The following GTF3C1 variants were observed in gnomAD, a reference collection of about 807,000 sequenced individuals.
GTF3C1 encodes general transcription factor IIIC subunit 1, also known as general transcription factor 3C polypeptide 1.
Under a neutral mutation model 226.7 loss-of-function variants are expected in GTF3C1, and 57 were observed. That is an observed-to-expected ratio of 0.25 (90% CI 0.20 to 0.31). The LOEUF is 0.31. Ranked by LOEUF, GTF3C1 falls within the 10% of genes least tolerant of loss-of-function variation. GTF3C1 has a pLI of 1.00. For synonymous variants in GTF3C1, 1,090 were observed against 1,084.8 expected, an observed-to-expected ratio of 1.00 and a Z score of -0.09; for missense variants, 2,217 against 2,776.1, an observed-to-expected ratio of 0.80 and a Z score of 4.53.
At chr16:27,473,588 G>A (rs2087908577) in intron 29 of GTF3C1, among the ~76,000 whole-genome samples, 1 of 152,250 alleles carries the variant, frequency 6.6e-6, no homozygotes, top group African/African-American at 2.4e-5. Flanking sequence ...ACACTGTCAG[G>A]CAGGGGTGGG....
At chr16:27,509,668 G>A (rs2088543045) in intron 7 of GTF3C1, among the ~76,000 whole-genome samples, 1 of 148,558 alleles carries the variant, frequency 6.7e-6, no homozygotes, top group Admixed American at 6.8e-5. Flanking sequence ...TGAGGCAGGA[G>A]AATGGCGTGA....
rs183237956 is a variant in GTF3C1, at chr16:27,528,224, G to C, written c.973+374C>G. Among the ~76,000 whole-genome samples, 6 of 152,306 alleles carry C rather than the reference G, an allele frequency of 3.9e-5. No individual in the cohort carries two copies. The East Asian group carries it at 1.2e-3, about 29-fold the overall frequency. On this transcript the variant is annotated intron_variant, in intron 6 of 36. Coordinates refer to ENST00000356183, the MANE Select transcript of GTF3C1 (RefSeq NM_001520.4). Reference sequence around the variant, plus strand: ...CGAAAGGCAGAGGTTGTAGTGAGCAGAGATCGCACCACTGCACTATGGGCG... The same window carrying C: ...CGAAAGGCAGAGGTTGTAGTGAGCACAGATCGCACCACTGCACTATGGGCG...
chr16:27,537,035 G>A (rs572197246), intron 4 of GTF3C1, among the ~76,000 whole-genome samples: 1 of 152,334 alleles, frequency 6.6e-6, no homozygotes, highest in South Asian at 2.1e-4. Flanking sequence ...CCAGTTTGCT[G>A]TATCACCTGG....
chr16:27,492,604 T>C lies in GTF3C1; in HGVS notation c.2973+13A>G, dbSNP rs1312402099. ...AATCAGAATTTCCTTCGTTTGGGCT[T>C]GAGGGACATTACCTGATCTTTATCC... On this transcript the variant is annotated intron_variant, in intron 18 of 36. Coordinates refer to ENST00000356183, the MANE Select transcript of GTF3C1 (RefSeq NM_001520.4). The surrounding 1 kb of genome is among the most constrained non-coding windows in gnomAD (Gnocchi z 5.0). The C allele has an allele frequency of 1.3e-6, 2 of 1,565,384 alleles. No individual in the cohort carries two copies.
intron 6 of GTF3C1, among the ~76,000 whole-genome samples, chr16:27,518,574 C>A (rs1432845414): frequency 4.6e-5 from 7 of 152,166 alleles, no homozygotes; most frequent in Admixed American, 2.0e-4. Context: ...AGTGTCATAC[C>A]CAGTCACCTG....
intron 27 of GTF3C1, among the ~76,000 whole-genome samples, chr16:27,480,542 A>G (rs1310398411): frequency 1.3e-5 from 2 of 152,218 alleles, no homozygotes; most frequent in Non-Finnish European, 2.9e-5. Context: ...ATCATTTTAC[A>G]GGGAGAAATT....
In GTF3C1 at chr16:27,463,370, C is replaced by A; in HGVS notation, c.5924+171G>T. On this transcript the variant is annotated intron_variant, in intron 35 of 36. Transcript: ENST00000356183. The surrounding 1 kb of genome is among the most constrained non-coding windows in gnomAD (Gnocchi z 4.9). ...GCACTGCCAGTGCTCAGCACGCCTG[C>A]TGCTCGCCCACTGCGCCCCTCCAAG... 1.5e-6 allele frequency: 1 copy of A among 655,502 alleles called. No individual in the cohort carries two copies. Among genetic ancestry groups the A allele is most frequent in the Non-Finnish European group, 2.7e-6 (1 of 367,146 alleles). 40.6% of individuals were successfully genotyped at this position (655,502 alleles called of 1,614,324 possible).
At chr16:27,494,314 T>C (rs2088278969) in intron 16 of GTF3C1, among the ~76,000 whole-genome samples, 1 of 148,490 alleles carries the variant, frequency 6.7e-6, no homozygotes, top group Non-Finnish European at 1.5e-5. Context: ...GGAAGGAGAA[T>C]GGCGTGAAAC....
rs2087740411 is a variant in GTF3C1 at position 27,463,815 on chromosome 16, G to A, written c.5873-223C>T. The A allele has an allele frequency of 3.6e-6, 2 of 560,726 alleles. No homozygotes were observed. Among genetic ancestry groups the A allele is most frequent in the Non-Finnish European group, 3.1e-6 (1 of 320,508 alleles). 34.7% of individuals were successfully genotyped at this position (560,726 alleles called of 1,614,324 possible). Reference sequence around the variant, plus strand: ...GCGCCACATGCAAGCAGCGTCCCAGGCCCGGACAAGCCCCACATTGCAGGA... The same window carrying A: ...GCGCCACATGCAAGCAGCGTCCCAGACCCGGACAAGCCCCACATTGCAGGA... On this transcript the variant is annotated intron_variant, in intron 34 of 36. Transcript: ENST00000356183. The surrounding 1 kb of genome is among the most constrained non-coding windows in gnomAD (Gnocchi z 4.9).
intron 24 of GTF3C1, among the ~76,000 whole-genome samples, chr16:27,485,498 A>G (rs2088125704): frequency 6.6e-6 from 1 of 152,254 alleles, no homozygotes; most frequent in Non-Finnish European, 1.5e-5. Flanking sequence ...CATGATGGGC[A>G]GTTACAGGAA....
chr16:27,540,723 A>T (rs2089068961), intron 2 of GTF3C1, among the ~76,000 whole-genome samples: 1 of 152,216 alleles, frequency 6.6e-6, no homozygotes, highest in Non-Finnish European at 1.5e-5. Flanking sequence ...TCTCTCACAG[A>T]AAGAGGCTCT....
chr16:27,529,978 T>C (rs1567411992), intron 5 of GTF3C1, among the ~76,000 whole-genome samples: 1 of 152,234 alleles, frequency 6.6e-6, no homozygotes, highest in African/African-American at 2.4e-5. Context: ...ATTTTGCTTG[T>C]GGGTATCACC....
chr16:27,528,230 G>A (rs232088), intron 6 of GTF3C1, among the ~76,000 whole-genome samples: 25,076 of 152,046 alleles, frequency 0.16, 2,215 homozygotes, highest in Middle Eastern at 0.22. Context: ...AGCAGAGATC[G>A]CACCACTGCA....
chr16:27,463,887 G>A lies in GTF3C1; in HGVS notation c.5873-295C>T, dbSNP rs1039429897. 1 of 461,646 alleles carries A rather than the reference G, an allele frequency of 2.2e-6. No individual in the cohort carries two copies. The highest frequency in any genetic ancestry group is 3.8e-6 in the Non-Finnish European group (1 of 263,462). The allele number at this position is 461,646 out of a possible 1,614,324, so 28.6% of individuals were successfully genotyped here. A position where few individuals can be genotyped will look rare whatever the true frequency, so the allele number is the denominator to read the frequency against. ...CCACCCAGAAGCCCCGACCACAAGG[G>A]TGGTATAAAACCCGAGGCAAAAACA... On this transcript the variant is annotated intron_variant, in intron 34 of 36. Transcript: ENST00000356183. This position sits in a 1 kb window ranked among gnomAD's most constrained non-coding sequence, Gnocchi z 4.9.
intron 5 of GTF3C1, among the ~76,000 whole-genome samples, chr16:27,531,414 G>A (rs1005215275): frequency 6.6e-6 from 1 of 152,226 alleles, no homozygotes; most frequent in Admixed American, 6.5e-5. Flanking sequence ...CAGCTCAACT[G>A]TGCTTTTGGC....
intron 24 of GTF3C1, 116 bp downstream of exon 24, chr16:27,485,881 T>C (rs1333794405): frequency 6.4e-6 from 4 of 621,790 alleles, no homozygotes; most frequent in Non-Finnish European, 1.1e-5. Context: ...CTTTTCCCAG[T>C]GGCGAAGCAG....
chr16:27,463,610 G>T lies in GTF3C1; in HGVS notation c.5873-18C>A. On this transcript the variant is annotated intron_variant, in intron 34 of 36. Coordinates refer to ENST00000356183, the MANE Select transcript of GTF3C1 (RefSeq NM_001520.4). The surrounding 1 kb of genome is among the most constrained non-coding windows in gnomAD (Gnocchi z 4.9). ...TGTGAACCCTGAGGGAAGAGGAAGA[G>T]AATGTGAGAGACTCGGAAAGTCAGG... 1 of 1,512,106 alleles carries T rather than the reference G, an allele frequency of 6.6e-7. No homozygotes were observed. Among genetic ancestry groups the T allele is most frequent in the Non-Finnish European group, 9.2e-7 (1 of 1,086,518 alleles). 93.7% of individuals were successfully genotyped at this position (1,512,106 alleles called of 1,614,324 possible).
rs1235033983 is a variant in GTF3C1, at chr16:27,514,701, G to A, written c.974-2800C>T. Among the ~76,000 whole-genome samples the A allele has an allele frequency of 9.2e-5, 14 of 152,280 alleles. No homozygotes were observed. The South Asian group carries it at 2.5e-3, about 27-fold the overall frequency. On this transcript the variant is annotated intron_variant, in intron 6 of 36. Transcript: ENST00000356183. Reference sequence around the variant, plus strand: ...ACCCTATGAACTGACCCTCACCATGGCCTGAGGAGGTAAGGGTGATCATTC... The same window carrying A: ...ACCCTATGAACTGACCCTCACCATGACCTGAGGAGGTAAGGGTGATCATTC...
Position 27,463,289 on chromosome 16 carries a change from C to A in GTF3C1, c.5924+252G>T. 2 of 531,916 alleles carry A rather than the reference C, an allele frequency of 3.8e-6. No individual in the cohort carries two copies. Among genetic ancestry groups the A allele is most frequent in the Non-Finnish European group, 3.3e-6 (1 of 301,508 alleles). 32.9% of individuals were successfully genotyped at this position (531,916 alleles called of 1,614,324 possible). On this transcript the variant is annotated intron_variant, in intron 35 of 36. Transcript: ENST00000356183. This position sits in a 1 kb window ranked among gnomAD's most constrained non-coding sequence, Gnocchi z 4.9. ...ACAGCTGACAGCACCAGGCATGGTTCTCCACCAGCGCCCTGGGCATTCTGG... is the reference window on the plus strand; with the variant it reads ...ACAGCTGACAGCACCAGGCATGGTTATCCACCAGCGCCCTGGGCATTCTGG...
Sources: allele counts gnomAD v4.1 joint callset (sites outside exome capture counted in the v4.1 genomes callset), GRCh38; gene constraint gnomAD v4.1.1; non-coding constraint Gnocchi (gnomAD v3.1); transcripts MANE v1.5; gene names NCBI Gene and HGNC (gene_info 2026-07-23, HGNC 2026-07-21).